The following CMPK1 variants were observed in gnomAD, a reference collection of about 807,000 sequenced individuals.
CMPK1 encodes cytidine/uridine monophosphate kinase 1.
CMPK1 carries 10 observed loss-of-function variants against 25.7 expected under a neutral mutation model. That is an observed-to-expected ratio of 0.39 (90% CI 0.24 to 0.66). The LOEUF (loss-of-function observed/expected upper bound fraction) is 0.66, where lower values mean the gene tolerates loss of function less well. Ranked by LOEUF, CMPK1 falls within the 30% of genes least tolerant of loss-of-function variation. CMPK1 has a pLI of 0.48. For synonymous variants in CMPK1, 106 were observed against 101.5 expected, an observed-to-expected ratio of 1.04 and a Z score of -0.27; for missense variants, 199 against 280.5, an observed-to-expected ratio of 0.71 and a Z score of 2.08.
chr1:47,364,794 CAG>C (rs779461406), intron 1 of CMPK1, among the ~76,000 whole-genome samples: 8 of 149,598 alleles, frequency 5.3e-5, no homozygotes, highest in Non-Finnish European at 1.2e-4. Flanking sequence ...TTTTTAGAGA[CAG>C]AGTCTTGCTC....
At chr1:47,350,372 T>G (rs1361268839) in intron 1 of CMPK1, among the ~76,000 whole-genome samples, 2 of 152,088 alleles carry the variant, frequency 1.3e-5, no homozygotes, top group Non-Finnish European at 2.9e-5. Context: ...GGCACAAGCT[T>G]GTAGTCCCAG....
chr1:47,351,587 G>A (rs1032707046), intron 1 of CMPK1, among the ~76,000 whole-genome samples: 50 of 152,102 alleles, frequency 3.3e-4, no homozygotes, highest in African/African-American at 1.2e-3. Context: ...CAGTTCTTTG[G>A]GGTATATACA....
chr1:47,372,813 CTT>C (rs58538890), intron 2 of CMPK1, 140 bp from the exon 3 acceptor site: 11,860 of 296,478 alleles, frequency 0.04, no homozygotes, highest in Middle Eastern at 0.054. Flanking sequence ...TTTTTCTTTT[CTT>C]TTTTTTTTTT....
At chr1:47,352,340 A>C (rs1033990731) in intron 1 of CMPK1, among the ~76,000 whole-genome samples, 1 of 152,138 alleles carries the variant, frequency 6.6e-6, no homozygotes, top group African/African-American at 2.4e-5. Context: ...AATTTTGAGG[A>C]GATCTTACAT....
chr1:47,371,089 G>A (rs1312593655), intron 2 of CMPK1, among the ~76,000 whole-genome samples: 1 of 152,114 alleles, frequency 6.6e-6, no homozygotes, highest in Admixed American at 6.5e-5. Flanking sequence ...GAACAGTGAG[G>A]GAGAAAAAGA....
At chr1:47,334,327 C>G (rs4600090) in intron 1 of CMPK1, among the ~76,000 whole-genome samples, 1 of 151,956 alleles carries the variant, frequency 6.6e-6, no homozygotes, top group Non-Finnish European at 1.5e-5. Context: ...TGGGGGCCAC[C>G]GCTTGAGGTC....
In CMPK1 at chr1:47,378,533, G is replaced by C. The variant is rs1202461161; in HGVS notation, c.*1788G>C. ...GCTTCCTTTCATCAGGTATCTTTCT[G>C]TGGCATTTGAGAACAGAAACCAAGA... On this transcript the variant is annotated 3_prime_UTR_variant, in exon 6 of 6. Coordinates refer to ENST00000371873, the MANE Select transcript of CMPK1 (RefSeq NM_016308.3). The C allele has an allele frequency of 6.6e-6, 1 of 152,178 alleles. No individual in the cohort carries two copies. The highest frequency in any genetic ancestry group is 1.5e-5 in the Non-Finnish European group (1 of 68,034). 9.4% of individuals were successfully genotyped at this position (152,178 alleles called of 1,614,324 possible).
At chr1:47,347,350 C>T (rs1038693671) in intron 1 of CMPK1, among the ~76,000 whole-genome samples, 7 of 152,016 alleles carry the variant, frequency 4.6e-5, no homozygotes, top group African/African-American at 1.7e-4. Flanking sequence ...GCTGGGACTA[C>T]AGGCACATCA....
At chr1:47,339,489 A>G (rs541756308) in intron 1 of CMPK1, among the ~76,000 whole-genome samples, 57 of 152,298 alleles carry the variant, frequency 3.7e-4, no homozygotes, top group Non-Finnish European at 6.8e-4. Context: ...AGTGTTGAAC[A>G]TTGTGCCTGA....
At chr1:47,370,972 A>G (rs1418659621) in intron 2 of CMPK1, among the ~76,000 whole-genome samples, 1 of 151,506 alleles carries the variant, frequency 6.6e-6, no homozygotes, top group African/African-American at 2.4e-5. Context: ...ATAAATAAAT[A>G]AATAAATAAA....
At chr1:47,375,161 A>G (rs768266149) in intron 4 of CMPK1, 36 bp from the exon 5 acceptor site, 1 of 1,488,894 alleles carries the variant, frequency 6.7e-7, no homozygotes, top group Non-Finnish European at 9.3e-7. Context: ...GAAAGGATAG[A>G]TACCTAGAAC....
chr1:47,360,041 A>G (rs936743104), intron 1 of CMPK1, among the ~76,000 whole-genome samples: 5 of 152,220 alleles, frequency 3.3e-5, no homozygotes, highest in African/African-American at 1.2e-4. Flanking sequence ...TAAGATGAGT[A>G]TGTAACTTGT....
chr1:47,353,296 G>A (rs1189637031), intron 1 of CMPK1, among the ~76,000 whole-genome samples: 1 of 152,182 alleles, frequency 6.6e-6, no homozygotes, highest in Non-Finnish European at 1.5e-5. Context: ...TCTCAACTGA[G>A]TATGTCTCTA....
intron 1 of CMPK1, among the ~76,000 whole-genome samples, chr1:47,342,567 C>G (rs1423652568): frequency 6.6e-6 from 1 of 151,544 alleles, no homozygotes; most frequent in East Asian, 1.9e-4. Flanking sequence ...TGAATATCAT[C>G]TTGGAAGATT....
In CMPK1 at chr1:47,333,828, C is replaced by T; in HGVS notation, c.-118C>T. The stretch of plus-strand genomic sequence containing the variant: ...GCCGCGGACGCCCGGGCAGCCACGG[C>T]GGCGGGGCCGCGGCGGGCGCCGGCT... On this transcript the variant is annotated 5_prime_UTR_variant, in exon 1 of 6. Transcript: ENST00000371873. The T allele has an allele frequency of 3.5e-6, 2 of 565,076 alleles. No individual in the cohort carries two copies. Among genetic ancestry groups the T allele is most frequent in the Non-Finnish European group, 4.5e-6 (2 of 444,192 alleles). 35.0% of individuals were successfully genotyped at this position (565,076 alleles called of 1,614,324 possible). A position where few individuals can be genotyped will look rare whatever the true frequency, so the allele number is the denominator to read the frequency against.
chr1:47,372,440 T>C (rs985227371), intron 2 of CMPK1, among the ~76,000 whole-genome samples: 1 of 152,228 alleles, frequency 6.6e-6, no homozygotes. Flanking sequence ...TTTGTGTTGT[T>C]GGACTTGAAT....
rs1646717563 is a variant in CMPK1 at position 47,377,831 on chromosome 1, G to A, written c.*1086G>A. 1 of 152,494 alleles carries A rather than the reference G, an allele frequency of 6.6e-6. No individual in the cohort carries two copies. Among genetic ancestry groups the A allele is most frequent in the African/African-American group, 2.4e-5 (1 of 41,404 alleles). 9.4% of individuals were successfully genotyped at this position (152,494 alleles called of 1,614,324 possible). The stretch of plus-strand genomic sequence containing the variant: ...TCAGTAGATTTTTGTTTGGCATCAT[G>A]TTGAAGCACCGAAAGATAAATGATT... On this transcript the variant is annotated 3_prime_UTR_variant, in exon 6 of 6. Transcript: ENST00000371873.
intron 1 of CMPK1, among the ~76,000 whole-genome samples, chr1:47,340,646 AT>A (rs897365199): frequency 2.6e-4 from 38 of 148,320 alleles, no homozygotes; most frequent in Middle Eastern, 3.6e-3. Context: ...TGGAATAATA[AT>A]TTTTTTTTTT....
chr1:47,374,795 T>G, intron 3 of CMPK1, 114 bp from the exon 4 acceptor site: 1 of 650,530 alleles, frequency 1.5e-6, no homozygotes, highest in Non-Finnish European at 2.6e-6. Flanking sequence ...ATTAGACACA[T>G]TGGGTTTATT....
Sources: allele counts gnomAD v4.1 joint callset (sites outside exome capture counted in the v4.1 genomes callset), GRCh38; gene constraint gnomAD v4.1.1; transcripts MANE v1.5; gene names NCBI Gene and HGNC (gene_info 2026-07-23, HGNC 2026-07-21).